The following PCDH7 variants were observed in gnomAD, a reference collection of about 807,000 sequenced individuals.
PCDH7 encodes the protein protocadherin 7.
In PCDH7, 17 loss-of-function variants were observed where a neutral mutation model predicts 58.9. The observed-to-expected ratio is 0.29, with a 90% CI of 0.20 to 0.43. PCDH7 has a LOEUF of 0.43. Ranked by LOEUF, PCDH7 falls within the 20% of genes least tolerant of loss-of-function variation. The pLI is 1.00. For missense variants in PCDH7, 1,274 were observed against 1,441.0 expected (o/e 0.88, Z 1.88); for synonymous variants, 664 against 616.4 (o/e 1.08, Z -1.14).
At chr4:31,028,014 T>C (rs940275063) in intron 3 of PCDH7, among the ~76,000 whole-genome samples, 1 of 152,216 alleles carries the variant, frequency 6.6e-6, no homozygotes, top group African/African-American at 2.4e-5. Context: ...AGATGACTTA[T>C]TAATGACCAT....
At chr4:30,976,692 C>T (rs1046507660) in intron 3 of PCDH7, among the ~76,000 whole-genome samples, 5 of 152,082 alleles carry the variant, frequency 3.3e-5, no homozygotes, top group South Asian at 2.1e-4. Flanking sequence ...AGCCACTGCA[C>T]CCGGCCCATA....
At chr4:30,937,440 AC>A (rs968442411) in intron 2 of PCDH7, among the ~76,000 whole-genome samples, 17 of 152,096 alleles carry the variant, frequency 1.1e-4, no homozygotes, top group Non-Finnish European at 2.4e-4. Context: ...TAACTGCAAC[AC>A]AAGTCACAAC....
At chr4:30,825,304 A>G (rs1728956157) in intron 1 of PCDH7, among the ~76,000 whole-genome samples, 1 of 152,126 alleles carries the variant, frequency 6.6e-6, no homozygotes, top group Non-Finnish European at 1.5e-5. Context: ...GATTATCAAT[A>G]TTATGTTTTG....
At chr4:30,749,080 G>T (rs1223801029) in intron 1 of PCDH7, among the ~76,000 whole-genome samples, 3 of 152,158 alleles carry the variant, frequency 2.0e-5, no homozygotes, top group Non-Finnish European at 4.4e-5. Context: ...TTTAGTCGTA[G>T]CTTCCTCAAA....
intron 3 of PCDH7, among the ~76,000 whole-genome samples, chr4:31,019,292 C>A (rs1753842356): frequency 6.6e-6 from 1 of 151,982 alleles, no homozygotes; most frequent in South Asian, 2.1e-4. Context: ...AACATAAGAG[C>A]TTTTCAAAAA....
At chr4:30,870,411 C>G (rs903961935) in intron 1 of PCDH7, among the ~76,000 whole-genome samples, 16 of 151,740 alleles carry the variant, frequency 1.1e-4, no homozygotes, top group African/African-American at 3.9e-4. Context: ...GGATTTTATG[C>G]TTTTAGGTCT....
intron 1 of PCDH7, among the ~76,000 whole-genome samples, chr4:30,796,103 T>A (rs1423208947): frequency 6.6e-6 from 1 of 152,216 alleles, no homozygotes; most frequent in East Asian, 1.9e-4. Flanking sequence ...TTTAAAACCT[T>A]GACATTCTCT....
intron 3 of PCDH7, among the ~76,000 whole-genome samples, chr4:30,983,623 C>T (rs9291556): frequency 6.6e-6 from 1 of 152,098 alleles, no homozygotes; most frequent in Non-Finnish European, 1.5e-5. Context: ...TACTTAACCC[C>T]TAAAATGTTA....
At chr4:30,798,739 G>A (rs1382136840) in intron 1 of PCDH7, among the ~76,000 whole-genome samples, 1 of 152,138 alleles carries the variant, frequency 6.6e-6, no homozygotes, top group African/African-American at 2.4e-5. Flanking sequence ...TCTTGATGTT[G>A]AAGGCTAAAG....
At chr4:30,784,034 G>A (rs1385494862) in intron 1 of PCDH7, among the ~76,000 whole-genome samples, 2 of 152,100 alleles carry the variant, frequency 1.3e-5, no homozygotes, top group Non-Finnish European at 2.9e-5. Context: ...CAAAGGCCAT[G>A]TCTATACAAC....
At chr4:30,901,351 G>A (rs532029388) in intron 1 of PCDH7, among the ~76,000 whole-genome samples, 3 of 152,212 alleles carry the variant, frequency 2.0e-5, no homozygotes, top group Admixed American at 1.3e-4. Context: ...AAATCATATG[G>A]TGATGGAGTG....
At chr4:31,115,363 C>T (rs1716865939) in intron 3 of PCDH7, among the ~76,000 whole-genome samples, 1 of 151,988 alleles carries the variant, frequency 6.6e-6, no homozygotes, top group Admixed American at 6.6e-5. Flanking sequence ...TTTTTATTCC[C>T]TCTAAGATAT....
intron 1 of PCDH7, among the ~76,000 whole-genome samples, chr4:30,860,817 T>A (rs1025401459): frequency 6.6e-6 from 1 of 152,174 alleles, no homozygotes; most frequent in Non-Finnish European, 1.5e-5. Context: ...ATTTCAGTTT[T>A]GGTAATTGGG....
At chr4:31,043,395 C>T (rs986299148) in intron 3 of PCDH7, among the ~76,000 whole-genome samples, 1 of 152,074 alleles carries the variant, frequency 6.6e-6, no homozygotes, top group Non-Finnish European at 1.5e-5. Context: ...ATTTACACTC[C>T]CACCAACAGT....
intron 3 of PCDH7, among the ~76,000 whole-genome samples, chr4:31,085,746 G>A (rs1560211495): frequency 6.6e-6 from 1 of 152,022 alleles, no homozygotes; most frequent in Non-Finnish European, 1.5e-5. Context: ...TGATTAACAA[G>A]TGTTAAACTA....
intron 1 of PCDH7, among the ~76,000 whole-genome samples, chr4:30,915,171 A>G (rs1027993365): frequency 2.0e-5 from 3 of 152,220 alleles, no homozygotes; most frequent in Non-Finnish European, 2.9e-5. Flanking sequence ...ACACAAATGT[A>G]GATCAATAAA....
rs567785749 is a variant in PCDH7, at chr4:30,806,106, G to C, written c.70+81510G>C. Among the ~76,000 whole-genome samples, 5 of 152,158 alleles carry C rather than the reference G, an allele frequency of 3.3e-5. No individual in the cohort carries two copies. The East Asian group carries it at 9.7e-4, about 29-fold the overall frequency. ...TTCGGATTTCAGATTTTTGGATTTG[G>C]GATGCTCAACCTGTATGTCCTTTCA... On this transcript the variant is annotated intron_variant, in intron 1 of 3. Coordinates refer to the PCDH7 transcript ENST00000509759.
intron 1 of PCDH7, among the ~76,000 whole-genome samples, chr4:30,894,516 TACACACACACACACAC>T (rs55942705): frequency 1.1e-3 from 34 of 32,190 alleles, no homozygotes; most frequent in African/African-American, 4.4e-3. Flanking sequence ...TATATATATA[TACACACACACACACAC>T]ACACACACAC....
chr4:31,115,668 A>G (rs866047539), intron 3 of PCDH7, among the ~76,000 whole-genome samples: 3 of 152,180 alleles, frequency 2.0e-5, no homozygotes, highest in Admixed American at 1.3e-4. Context: ...TCACATAACT[A>G]GGAAAAGAAT....
Sources: allele counts gnomAD v4.1 joint callset (sites outside exome capture counted in the v4.1 genomes callset), GRCh38; gene constraint gnomAD v4.1.1; transcripts MANE v1.5; gene names NCBI Gene and HGNC (gene_info 2026-07-23, HGNC 2026-07-21).